CDH12: variants seen among roughly 807,000 people sequenced by gnomAD.
CDH12 encodes the protein cadherin 12, also known as cadherin-12.
CDH12 carries 41 observed loss-of-function variants against 74.1 expected under a neutral mutation model. The ratio of observed to expected loss-of-function variants is 0.55; its 90% CI spans 0.43 to 0.72. The LOEUF is 0.72. Ranked by LOEUF, CDH12 falls within the 30% of genes least tolerant of loss-of-function variation. The pLI, the probability that CDH12 is intolerant of heterozygous loss-of-function variation, is 0.00. For missense variants in CDH12, 945 were observed against 977.2 expected, an observed-to-expected ratio of 0.97 and a Z score of 0.44; for synonymous variants, 399 against 355.0, an observed-to-expected ratio of 1.12 and a Z score of -1.39.
chr5:22,337,725 G>A (rs1009889359), intron 3 of CDH12, among the ~76,000 whole-genome samples: 2 of 152,144 alleles, frequency 1.3e-5, no homozygotes, highest in Non-Finnish European at 2.9e-5. Context: ...GTCTTTAGCA[G>A]CAATGTGAGA....
intron 7 of CDH12, among the ~76,000 whole-genome samples, chr5:21,846,780 G>A (rs889226431): frequency 5.9e-5 from 9 of 151,934 alleles, no homozygotes; most frequent in African/African-American, 1.7e-4. Context: ...CTTTTACTTT[G>A]GAGCTAAATA....
chr5:22,646,763 C>G (rs1186880622), intron 1 of CDH12, among the ~76,000 whole-genome samples: 4 of 151,850 alleles, frequency 2.6e-5, no homozygotes, highest in Admixed American at 1.3e-4. Context: ...AGTTAGATTA[C>G]TTTATACCAC....
chr5:22,713,138 T>C (rs1375673589), intron 1 of CDH12, among the ~76,000 whole-genome samples: 3 of 121,962 alleles, frequency 2.5e-5, no homozygotes, highest in Admixed American at 2.4e-4. Flanking sequence ...AATTCTTTTT[T>C]TTTTTTTTTT....
chr5:22,086,472 T>C (rs948292429), intron 4 of CDH12, among the ~76,000 whole-genome samples: 4 of 152,062 alleles, frequency 2.6e-5, no homozygotes, highest in Admixed American at 2.6e-4. Context: ...GCCTCCTGAG[T>C]AGCTGGGATT....
intron 1 of CDH12, among the ~76,000 whole-genome samples, chr5:22,632,077 A>G (rs1224133870): frequency 6.6e-6 from 1 of 152,174 alleles, no homozygotes; most frequent in East Asian, 1.9e-4. Flanking sequence ...AGAGGTTGGG[A>G]GGAGGGTGAG....
At chr5:21,754,652 A>G (rs1048997027) in intron 14 of CDH12, among the ~76,000 whole-genome samples, 1 of 152,122 alleles carries the variant, frequency 6.6e-6, no homozygotes, top group Admixed American at 6.6e-5. Context: ...CGTGCCTTTC[A>G]TCTCACTAAT....
In CDH12 at chr5:22,327,469, T is replaced by TGC. The variant is rs57143777; in HGVS notation, c.-333+77786_-333+77787dup. Among the ~76,000 whole-genome samples the TGC allele has an allele frequency of 5.5e-4, 82 of 149,116 alleles. 1 individual carries two copies. The highest frequency in any genetic ancestry group is 1.9e-3 in the African/African-American group (77 of 40,600). On this transcript the variant is annotated intron_variant, in intron 3 of 14. Coordinates refer to ENST00000382254, the MANE Select transcript of CDH12 (RefSeq NM_004061.5). ...GTGTGTGTGTGTGTGTGTGTGTGTG[T>TGC]GCATCTGTGTGCACTAAACTGAAAG...
intron 3 of CDH12, among the ~76,000 whole-genome samples, chr5:22,275,557 G>A (rs1736596226): frequency 6.6e-6 from 1 of 151,758 alleles, no homozygotes; most frequent in Non-Finnish European, 1.5e-5. Context: ...TGAATATTGG[G>A]GTCTATATTA....
chr5:22,688,356 A>G (rs1741918701), intron 1 of CDH12, among the ~76,000 whole-genome samples: 1 of 152,234 alleles, frequency 6.6e-6, no homozygotes, highest in Non-Finnish European at 1.5e-5. Context: ...TCATGTGGGT[A>G]TAATGATAAA....
At chr5:22,244,680 G>T (rs1752865912) in intron 3 of CDH12, among the ~76,000 whole-genome samples, 1 of 142,572 alleles carries the variant, frequency 7.0e-6, no homozygotes, top group South Asian at 2.2e-4. Context: ...GAAAGAGAAG[G>T]AAAGAAGGAA....
At chr5:21,932,905 C>T (rs1561309230) in intron 6 of CDH12, among the ~76,000 whole-genome samples, 1 of 149,714 alleles carries the variant, frequency 6.7e-6, no homozygotes, top group East Asian at 1.9e-4. Context: ...ATAGTTTTTG[C>T]TGTTTCTTTT....
At chr5:22,544,320 G>A (rs1361762914) in intron 1 of CDH12, among the ~76,000 whole-genome samples, 1 of 151,958 alleles carries the variant, frequency 6.6e-6, no homozygotes, top group Non-Finnish European at 1.5e-5. Context: ...TAATTGATGA[G>A]GATAGATTAG....
At position 22,215,909 on chromosome 5, in the gene CDH12, C is replaced by T. The variant is rs1391318161; in HGVS notation, c.-332-3266G>A. On this transcript the variant is annotated intron_variant, in intron 3 of 14. Coordinates refer to ENST00000382254, the MANE Select transcript of CDH12 (RefSeq NM_004061.5). ...AGTTTAATGAAATAAATGATGATAA[C>T]GCAAACTAATGCAACATTTAAACTT... 5.3e-5 allele frequency among the ~76,000 whole-genome samples: 8 copies of T among 151,992 alleles called. 1 individual carries two copies. The South Asian group carries it at 1.4e-3, about 28-fold the overall frequency.
intron 5 of CDH12, among the ~76,000 whole-genome samples, chr5:22,039,283 G>T (rs1041666433): frequency 3.3e-5 from 5 of 151,978 alleles, no homozygotes; most frequent in African/African-American, 9.7e-5. Flanking sequence ...CTCCAGAGCT[G>T]GGCCCTGGTA....
At chr5:22,757,018 T>G (rs1194700069) in intron 1 of CDH12, among the ~76,000 whole-genome samples, 1 of 152,126 alleles carries the variant, frequency 6.6e-6, no homozygotes, top group Non-Finnish European at 1.5e-5. Context: ...ATGCTAGCTG[T>G]TTTCTAATAT....
intron 1 of CDH12, among the ~76,000 whole-genome samples, chr5:22,705,130 T>TACACACAC (rs1554060406): frequency 2.9e-4 from 36 of 125,608 alleles, no homozygotes; most frequent in African/African-American, 1.1e-3. Flanking sequence ...TATATATATA[T>TACACACAC]ACACACACAC....
chr5:22,727,696 G>A (rs1387667096), intron 1 of CDH12, among the ~76,000 whole-genome samples: 1 of 151,160 alleles, frequency 6.6e-6, no homozygotes, highest in Admixed American at 6.6e-5. Context: ...TTTTATTCTT[G>A]GAGGATATTT....
chr5:22,789,820 T>C (rs1747819628), intron 1 of CDH12, among the ~76,000 whole-genome samples: 1 of 151,856 alleles, frequency 6.6e-6, no homozygotes, highest in African/African-American at 2.4e-5. Flanking sequence ...CCAATGATGA[T>C]GTAACTATAA....
At chr5:22,791,896 A>G (rs1747926426) in intron 1 of CDH12, among the ~76,000 whole-genome samples, 1 of 152,160 alleles carries the variant, frequency 6.6e-6, no homozygotes, top group Admixed American at 6.5e-5. Context: ...TGTTGGGATT[A>G]CAATTCAAGA....
Sources: gnomAD v4.1 joint callset for allele counts (sites outside exome capture counted in the v4.1 genomes callset) on GRCh38, gnomAD v4.1.1 for gene constraint, MANE v1.5 for transcripts, NCBI Gene and HGNC (gene_info 2026-07-23, HGNC 2026-07-21) for gene names.